USHBP1: variants seen among roughly 807,000 people sequenced by gnomAD.
USHBP1 encodes harmonin-binding protein USHBP1.
Under a neutral mutation model 76.2 loss-of-function variants are expected in USHBP1, and 67 were observed. That is an observed-to-expected ratio of 0.88 (90% CI 0.72 to 1.08). USHBP1 has a LOEUF of 1.08. Ranked by LOEUF, USHBP1 falls within the 50% of genes least tolerant of loss-of-function variation. The pLI is 0.00. For missense variants in USHBP1, 931 were observed against 915.0 expected (o/e 1.02, Z -0.23); for synonymous variants, 322 against 362.2 (o/e 0.89, Z 1.26).
Position 17,262,745 on chromosome 19 carries a change from T to TC in USHBP1, c.448dup (p.Glu150GlyfsTer40). ...ACCTGCTCCCCCTTCGCTTGTGCCT[T>TC]CGAACTCCATCGGCCCAGAATGGCT... On this transcript the variant is annotated frameshift_variant, in exon 4 of 13. Coordinates refer to ENST00000252597, the MANE Select transcript of USHBP1 (RefSeq NM_031941.4). LOFTEE classifies it high-confidence loss of function. 1 of 1,614,182 alleles carries TC rather than the reference T, an allele frequency of 6.2e-7. No individual in the cohort carries two copies. Among genetic ancestry groups the TC allele is most frequent in the Non-Finnish European group, 8.5e-7 (1 of 1,180,030 alleles).
rs775737838 is a variant in USHBP1, at chr19:17,255,470, G to A, written c.1607C>T (p.Ala536Val). 8 of 1,613,856 alleles carry A rather than the reference G, an allele frequency of 5.0e-6. No individual in the cohort carries two copies. Among genetic ancestry groups the A allele is most frequent in the African/African-American group, 4.0e-5 (3 of 74,894 alleles). ...GTTTGCCCCACCAGCCTGGAGCTCT[G>A]CCCGTTCCCACCGCAGCTGCTCCAG... ...LLLEQLRWER[A>V]ELQAGGANSS... The change falls in exon 10 of 13, where the codon GCA (alanine) becomes GTA (valine). Residue 536 changes from alanine (A) to valine (V), a missense_variant. Ala to Val is a moderately conservative substitution (Grantham distance 64, BLOSUM62 0). Transcript: ENST00000252597.
intron 12 of USHBP1, 24 bp downstream of exon 12, chr19:17,251,558 T>TG: frequency 6.2e-7 from 1 of 1,612,396 alleles, no homozygotes; most frequent in Non-Finnish European, 8.5e-7. Context: ...CCAGGGGGAT[T>TG]GGGGGGATGC....
intron 11 of USHBP1, 94 bp from the exon 12 acceptor site, chr19:17,251,798 A>C (rs968669201): frequency 3.1e-6 from 5 of 1,589,652 alleles, no homozygotes; most frequent in Non-Finnish European, 3.4e-6. Flanking sequence ...TTGTCATGTA[A>C]ACACACCTGT....
In USHBP1 at chr19:17,256,715, T is replaced by G. The variant is rs1274110489; in HGVS notation, c.1226A>C (p.Glu409Ala). 1.9e-6 allele frequency: 3 copies of G among 1,614,022 alleles called. No homozygotes were observed. The African/African-American group carries it at 4.0e-5, about 22-fold the overall frequency. Residue 409 changes from glutamate to alanine, a missense_variant, in exon 9 of 13, where the codon GAA (glutamate) becomes GCA (alanine). Physicochemically the swap from Glu to Ala is moderately radical, Grantham distance 107. Transcript: ENST00000252597. ...GGTGGGCTTATCCACACTGCTGCCT[T>G]CAGGGCTATAGAAAACAGAAAAGGT... is the stretch of plus-strand genomic sequence containing the variant. ...GAQQNPQPSP[E>A]GSSVDKPTPQ...
At chr19:17,253,135 A>G (rs1184226203) in intron 10 of USHBP1, among the ~76,000 whole-genome samples, 1 of 150,754 alleles carries the variant, frequency 6.6e-6, no homozygotes, top group African/African-American at 2.4e-5. Flanking sequence ...TCCCCAGCTA[A>G]TTTTTTGTAT....
rs553555151 is a variant in USHBP1 at position 17,259,173 on chromosome 19, A to G, written c.1046+116T>C. 4.8e-4 allele frequency: 692 copies of G among 1,432,076 alleles called. 3 individuals are homozygous for G. Among genetic ancestry groups the G allele is most frequent in the Middle Eastern group, 3.6e-3 (14 of 3,910 alleles). The allele number at this position is 1,432,076 out of a possible 1,614,324, so 88.7% of individuals were successfully genotyped here. On this transcript the variant is annotated intron_variant, in intron 7 of 12. Coordinates refer to ENST00000252597, the MANE Select transcript of USHBP1 (RefSeq NM_031941.4). ...CAGCGAGATTCTGTCTCAAAAAAAA[A>G]AATTAATTTCTGAAGTGGGGAAGGT...
rs924150382 is a variant in USHBP1 at position 17,259,841 on chromosome 19, C to T, written c.768+56G>A. 3.1e-6 allele frequency: 5 copies of T among 1,589,162 alleles called. No homozygotes were observed. In the African/African-American group the frequency reaches 5.4e-5, roughly 17 times the overall value. On this transcript the variant is annotated intron_variant, in intron 5 of 12. Coordinates refer to ENST00000252597, the MANE Select transcript of USHBP1 (RefSeq NM_031941.4). ...GATCCCATGACAAAGATTTGAGTCTCATTCCCCTGAAGGCTAAGGACATCA... is the reference window on the plus strand; with the variant it reads ...GATCCCATGACAAAGATTTGAGTCTTATTCCCCTGAAGGCTAAGGACATCA...
chr19:17,256,767 G>A (rs376823247), intron 8 of USHBP1, 47 bp from the exon 9 acceptor site: 6 of 1,611,766 alleles, frequency 3.7e-6, no homozygotes, highest in South Asian at 1.1e-5. Context: ...GCAGGCATAG[G>A]TGGGTTAAGT....
At chr19:17,258,136 G>A in intron 8 of USHBP1, 76 bp downstream of exon 8, 1 of 1,593,052 alleles carries the variant, frequency 6.3e-7, no homozygotes, top group South Asian at 1.1e-5. Flanking sequence ...GAAACGTGGT[G>A]AGCTCTGGGA....
Position 17,251,684 on chromosome 19 carries a change from T to G in USHBP1, c.1820A>C (p.Gln607Pro). 6.2e-7 allele frequency: 1 copy of G among 1,613,626 alleles called. No homozygotes were observed. The highest frequency in any genetic ancestry group is 8.5e-7 in the Non-Finnish European group (1 of 1,180,012). Residue 607 changes from glutamine to proline, a missense_variant, in exon 12 of 13, where the codon CAG (glutamine) becomes CCG (proline). By Grantham distance (76) the Gln-to-Pro change is moderately conservative. Coordinates refer to ENST00000252597, the MANE Select transcript of USHBP1 (RefSeq NM_031941.4). ...CAGCTCCCTGCGCAGAGACTGCAGC[T>G]GCTCCTGCAGGTCCAGTGTCCTGTT... is the stretch of plus-strand genomic sequence containing the variant. Reference protein sequence around the residue: ...SLTRTLDLQEQLQSLRRELEQ... With the variant: ...SLTRTLDLQEPLQSLRRELEQ...
intron 10 of USHBP1, among the ~76,000 whole-genome samples, 172 bp from the exon 11 acceptor site, chr19:17,252,189 T>C (rs1158038723): frequency 1.3e-5 from 2 of 152,112 alleles, no homozygotes; most frequent in African/African-American, 4.8e-5. Flanking sequence ...GGAAATATCC[T>C]ATTTAATTAA....
intron 12 of USHBP1, 57 bp downstream of exon 12, chr19:17,251,525 T>G: frequency 6.2e-7 from 1 of 1,604,988 alleles, no homozygotes; most frequent in African/African-American, 1.3e-5. Context: ...GGGATACTTC[T>G]GATATCCTGG....
At chr19:17,256,182 C>A (rs2073616529) in intron 9 of USHBP1, among the ~76,000 whole-genome samples, 1 of 152,102 alleles carries the variant, frequency 6.6e-6, no homozygotes, top group Non-Finnish European at 1.5e-5. Context: ...TCTCTAACTC[C>A]AGAACCTCAA....
chr19:17,255,821 T>C (rs2145583901), intron 9 of USHBP1, among the ~76,000 whole-genome samples: 1 of 152,118 alleles, frequency 6.6e-6, no homozygotes, highest in Middle Eastern at 3.4e-3. Flanking sequence ...GCCAACATGG[T>C]GAAAACCCGT....
rs140894327 is a variant in USHBP1, at chr19:17,262,564, C to T, written c.630G>A (p.Thr210=). The T allele has an allele frequency of 1.0e-3, 1,600 of 1,604,642 alleles. No individual in the cohort carries two copies. Among genetic ancestry groups the T allele is most frequent in the Non-Finnish European group, 1.1e-3 (1,284 of 1,173,714 alleles). Reference sequence around the variant, plus strand: ...TGGCCCCACTCACCTCTTTCTGCAGCGTCTCCTTCTCAGCTCGGATGGCCT... The same window carrying T: ...TGGCCCCACTCACCTCTTTCTGCAGTGTCTCCTTCTCAGCTCGGATGGCCT... ...SLEAIRAEKE[T]LQKEVQELQD... Residue 210 remains threonine, a synonymous_variant, in exon 4 of 13, where the codon ACG becomes ACA. Transcript: ENST00000252597.
chr19:17,253,181 G>C (rs964961069), intron 10 of USHBP1, among the ~76,000 whole-genome samples: 2 of 151,976 alleles, frequency 1.3e-5, no homozygotes, highest in Non-Finnish European at 2.9e-5. Flanking sequence ...TGTTAGCGAG[G>C]ATGGTCTCGA....
rs376948646 is a variant in USHBP1, at chr19:17,251,950, G to C, written c.1760C>G (p.Pro587Arg). 2 of 1,548,314 alleles carry C rather than the reference G, an allele frequency of 1.3e-6. No individual in the cohort carries two copies. The highest frequency in any genetic ancestry group is 2.7e-5 in the African/African-American group (2 of 73,056). Reference protein sequence around the residue: ...DGGQVGRAWDPEKLAQELAAS... With the variant: ...DGGQVGRAWDREKLAQELAAS... ...TGCCAGTTCCTGGGCTAACTTCTCT[G>C]GGTCCCAGGCTCTGCCCACCTGGCC... The change falls in exon 11 of 13, where the codon CCA becomes CGA. Residue 587 changes from proline to arginine, a missense_variant. Transcript: ENST00000252597.
chr19:17,258,535 C>T (rs1037135150), intron 7 of USHBP1, 150 bp from the exon 8 acceptor site: 31 of 755,162 alleles, frequency 4.1e-5, no homozygotes, highest in Non-Finnish European at 6.2e-5. Context: ...ATGGTGAAAC[C>T]CCGTCTCTAC....
intron 4 of USHBP1, among the ~76,000 whole-genome samples, chr19:17,260,756 T>C (rs1360786626): frequency 6.6e-6 from 1 of 152,172 alleles, no homozygotes; most frequent in East Asian, 1.9e-4. Context: ...CGTGGATGTC[T>C]CATGGACACT....
Sources: gnomAD v4.1 joint callset for allele counts (sites outside exome capture counted in the v4.1 genomes callset) on GRCh38, gnomAD v4.1.1 for gene constraint, MANE v1.5 for transcripts, NCBI Gene and HGNC (gene_info 2026-07-23, HGNC 2026-07-21) for gene names.